Variants in FOXO3 observed in about 807,000 individuals in gnomAD.
The protein encoded by FOXO3 is forkhead box O3.
FOXO3 carries 4 observed loss-of-function variants against 41.9 expected under a neutral mutation model. The observed-to-expected ratio is 0.10, with a 90% CI of 0.05 to 0.22. The LOEUF (loss-of-function observed/expected upper bound fraction) is 0.22, where lower values mean the gene tolerates loss of function less well. Ranked by LOEUF, FOXO3 falls within the 10% of genes least tolerant of loss-of-function variation. The pLI is 1.00. For missense variants in FOXO3, 534 were observed against 906.8 expected, an observed-to-expected ratio of 0.59 and a Z score of 5.28; for synonymous variants, 318 against 389.3, an observed-to-expected ratio of 0.82 and a Z score of 2.16.
intron 2 of FOXO3, among the ~76,000 whole-genome samples, chr6:108,666,787 T>C (rs537333342): frequency 6.6e-6 from 1 of 152,146 alleles, no homozygotes; most frequent in South Asian, 2.1e-4. Flanking sequence ...CCCTAAAAAC[T>C]CTCCTCCTCA....
rs1271613536 is a variant in FOXO3, at chr6:108,561,593, C to T, written c.385C>T (p.Pro129Ser). 2.7e-6 allele frequency: 4 copies of T among 1,508,294 alleles called. No homozygotes were observed. Among genetic ancestry groups the T allele is most frequent in the African/African-American group, 1.4e-5 (1 of 71,382 alleles). The allele number at this position is 1,508,294 out of a possible 1,614,324, so 93.4% of individuals were successfully genotyped here. A position where few individuals can be genotyped will look rare whatever the true frequency, so the allele number is the denominator to read the frequency against. ...CGGGGGTACACAGGCGCTGCTGCAG[C>T]CTCAGCAACCGCTGCCACCGCCGCA... ...LSGGTQALLQPQQPLPPPQPG... is the reference protein window; with the variant it reads ...LSGGTQALLQSQQPLPPPQPG... The change falls in exon 1 of 3, where the codon CCT becomes TCT. Residue 129 changes from proline (P) to serine (S), a missense_variant. Transcript: ENST00000406360.
intron 1 of FOXO3, among the ~76,000 whole-genome samples, chr6:108,649,370 T>A (rs950116363): frequency 2.6e-5 from 4 of 152,124 alleles, no homozygotes; most frequent in Non-Finnish European, 5.9e-5. Context: ...CCTTGAAAGA[T>A]AGTCTAGAAC....
At chr6:108,673,935 A>G (rs915377639) in intron 2 of FOXO3, among the ~76,000 whole-genome samples, 1 of 152,192 alleles carries the variant, frequency 6.6e-6, no homozygotes, top group Non-Finnish European at 1.5e-5. Context: ...GCAGCTTGAA[A>G]CTTAGAGTAG....
At chr6:108,643,863 A>T (rs564651145) in intron 1 of FOXO3, among the ~76,000 whole-genome samples, 46 of 152,312 alleles carry the variant, frequency 3.0e-4, no homozygotes, top group African/African-American at 1.1e-3. Flanking sequence ...AATGATTTTC[A>T]TGGTTCATTA....
At chr6:108,611,340 C>T (rs1431008772) in intron 1 of FOXO3, among the ~76,000 whole-genome samples, 2 of 152,024 alleles carry the variant, frequency 1.3e-5, no homozygotes, top group Non-Finnish European at 2.9e-5. Context: ...ATGTTCAGGA[C>T]TTTTGGGGAT....
chr6:108,560,875 C>A (rs1162112813), upstream of FOXO3: 2 of 929,470 alleles, frequency 2.2e-6, no homozygotes, highest in Non-Finnish European at 1.4e-6. Context: ...CGCGCGAGGC[C>A]GTCGATTCGC....
chr6:108,602,955 TA>T (rs1304956852), intron 1 of FOXO3, among the ~76,000 whole-genome samples: 1 of 152,194 alleles, frequency 6.6e-6, no homozygotes, highest in Non-Finnish European at 1.5e-5. Flanking sequence ...AAGATAGGGT[TA>T]ATAACATATC....
intron 1 of FOXO3, among the ~76,000 whole-genome samples, chr6:108,595,706 A>C (rs1001844895): frequency 3.9e-5 from 6 of 152,200 alleles, no homozygotes; most frequent in Non-Finnish European, 7.3e-5. Context: ...TCCCATTCCT[A>C]AGACTTTAGG....
chr6:108,631,215 TG>T (rs1266654392), intron 1 of FOXO3, among the ~76,000 whole-genome samples: 5 of 152,172 alleles, frequency 3.3e-5, no homozygotes, highest in African/African-American at 9.7e-5. Flanking sequence ...GATGGGCACC[TG>T]GGGAAATAGT....
intron 1 of FOXO3, chr6:108,618,301 CT>C: frequency 1.4e-6 from 1 of 692,872 alleles, no homozygotes; most frequent in Non-Finnish European, 2.7e-6. Context: ...GCACCGGTTT[CT>C]CCTCAGCTGC....
rs187373344 is a variant in FOXO3, at chr6:108,581,022, A to G, written c.621+19193A>G. Among the ~76,000 whole-genome samples, 378 of 152,362 alleles carry G rather than the reference A, an allele frequency of 2.5e-3. 2 individuals are homozygous for G. The highest frequency in any genetic ancestry group is 8.9e-3 in the African/African-American group (368 of 41,578). ...CATAGATGAGTTTACTCTAAACTGCACTTAAACTTTCCTGTAGTCATTGCT... is the reference window on the plus strand; with the variant it reads ...CATAGATGAGTTTACTCTAAACTGCGCTTAAACTTTCCTGTAGTCATTGCT... On this transcript the variant is annotated intron_variant, in intron 1 of 2. Transcript: ENST00000406360.
chr6:108,673,066 A>AGACAGCAATACC (rs2128390946), intron 2 of FOXO3, among the ~76,000 whole-genome samples: 1 of 152,366 alleles, frequency 6.6e-6, no homozygotes, highest in African/African-American at 2.4e-5. Context: ...AAAAAAGATC[A>AGACAGCAATACC]GACAGCAATA....
Position 108,561,366 on chromosome 6 carries a change from C to T in FOXO3, c.158C>T (p.Ala53Val), listed in dbSNP as rs1323193140. The T allele has an allele frequency of 1.3e-6, 2 of 1,562,724 alleles. No individual in the cohort carries two copies. The highest frequency in any genetic ancestry group is 1.7e-6 in the Non-Finnish European group (2 of 1,155,964). Reference sequence around the variant, plus strand: ...GCCAAGCCCTCGGGGGAGACGGCCGCCGACTCCATGATCCCCGAGGAGGAG... The same window carrying T: ...GCCAAGCCCTCGGGGGAGACGGCCGTCGACTCCATGATCCCCGAGGAGGAG... ...SPAKPSGETA[A>V]DSMIPEEEDD... Residue 53 changes from alanine (A) to valine (V), a missense_variant, in exon 1 of 3, where the codon GCC (alanine) becomes GTC (valine). By Grantham distance (64) the Ala-to-Val change is moderately conservative. Coordinates refer to ENST00000406360, the MANE Select transcript of FOXO3 (RefSeq NM_001455.4).
chr6:108,587,711 A>G (rs1046385343), intron 1 of FOXO3, among the ~76,000 whole-genome samples: 5 of 152,248 alleles, frequency 3.3e-5, no homozygotes, highest in Admixed American at 3.3e-4. Context: ...CATTGTCATC[A>G]GAAACCCTTG....
chr6:108,647,785 A>G (rs1225667316), intron 1 of FOXO3, among the ~76,000 whole-genome samples: 1 of 152,204 alleles, frequency 6.6e-6, no homozygotes, highest in African/African-American at 2.4e-5. Context: ...GGCAAATGAG[A>G]TGTCATAAAA....
chr6:108,590,688 G>A (rs1387653481), intron 1 of FOXO3, among the ~76,000 whole-genome samples: 1 of 152,136 alleles, frequency 6.6e-6, no homozygotes, highest in Non-Finnish European at 1.5e-5. Context: ...AAGAAGTAAT[G>A]GATAGACAAA....
At chr6:108,571,099 T>C (rs1202920601) in intron 1 of FOXO3, among the ~76,000 whole-genome samples, 1 of 152,264 alleles carries the variant, frequency 6.6e-6, no homozygotes, top group African/African-American at 2.4e-5. Flanking sequence ...TTCTGTGTTT[T>C]AGTGCTATTT....
Position 108,580,183 on chromosome 6 carries a change from A to ATTTTTTTTTTTT in FOXO3, c.621+18366_621+18377dup, listed in dbSNP as rs11395032. 6.4e-5 allele frequency among the ~76,000 whole-genome samples: 6 copies of ATTTTTTTTTTTT among 93,072 alleles called. 1 individual carries two copies. Among genetic ancestry groups the ATTTTTTTTTTTT allele is most frequent in the Non-Finnish European group, 1.2e-4 (6 of 52,008 alleles). 61.1% of individuals were successfully genotyped at this position (93,072 alleles called of 152,430 possible). The stretch of plus-strand genomic sequence containing the variant: ...GCTTTATGAGTATTAGCTCTTCTTC[A>ATTTTTTTTTTTT]TTTTTTTTTTTTTTTTTTTTTTTGA... On this transcript the variant is annotated intron_variant, in intron 1 of 2. Transcript: ENST00000406360.
Position 108,676,237 on chromosome 6 carries a change from G to A in FOXO3, c.*35-3590G>A, listed in dbSNP as rs188395043. On this transcript the variant is annotated intron_variant, in intron 2 of 2. Transcript: ENST00000406360. ...TGAAAGTCACTGATGGGACAGAACAGCATCTTTGTATTTATTGTTAATTGG... is the reference window on the plus strand; with the variant it reads ...TGAAAGTCACTGATGGGACAGAACAACATCTTTGTATTTATTGTTAATTGG... Among the ~76,000 whole-genome samples the A allele has an allele frequency of 1.3e-3, 198 of 152,330 alleles. 5 individuals carry two copies. The highest frequency in any genetic ancestry group is 0.012 in the Admixed American group (177 of 15,306).
Sources: gnomAD v4.1 joint callset for allele counts (sites outside exome capture counted in the v4.1 genomes callset) on GRCh38, gnomAD v4.1.1 for gene constraint, MANE v1.5 for transcripts, NCBI Gene and HGNC (gene_info 2026-07-23, HGNC 2026-07-21) for gene names.